The following CACNA1D variants were observed in gnomAD, a reference collection of about 807,000 sequenced individuals.
CACNA1D encodes the protein calcium voltage-gated channel subunit alpha1 D.
CACNA1D carries 55 observed loss-of-function variants against 257.1 expected under a neutral mutation model. The ratio of observed to expected loss-of-function variants is 0.21; its 90% confidence interval spans 0.17 to 0.27. The LOEUF (loss-of-function observed/expected upper bound fraction) is 0.27. Among genes scored for constraint, CACNA1D ranks in the 10% least tolerant of loss-of-function variants. The pLI, the probability that CACNA1D is intolerant of heterozygous loss-of-function variation, is 1.00. For missense variants in CACNA1D, 1,876 were observed against 2,784.0 expected (o/e 0.67, Z 7.34); for synonymous variants, 980 against 1,014.9 (o/e 0.97, Z 0.65).
chr3:53,578,786 T>C (rs973865623), intron 3 of CACNA1D, among the ~76,000 whole-genome samples: 52 of 152,224 alleles, frequency 3.4e-4, no homozygotes, highest in African/African-American at 1.1e-3. Context: ...TGCTATGGTA[T>C]TGTCTTCTTG....
At chr3:53,591,409 C>T (rs1035692308) in intron 3 of CACNA1D, among the ~76,000 whole-genome samples, 2 of 152,014 alleles carry the variant, frequency 1.3e-5, no homozygotes, top group Non-Finnish European at 2.9e-5. Context: ...TGCACCACCA[C>T]GCCCCGCTAA....
chr3:53,574,626 C>T (rs953126414), intron 3 of CACNA1D, among the ~76,000 whole-genome samples: 1 of 152,122 alleles, frequency 6.6e-6, no homozygotes, highest in Admixed American at 6.5e-5. Flanking sequence ...CCATCACAGG[C>T]CCTTCCCTTG....
intron 3 of CACNA1D, among the ~76,000 whole-genome samples, chr3:53,600,279 A>G (rs2093425083): frequency 6.6e-6 from 1 of 152,154 alleles, no homozygotes; most frequent in Non-Finnish European, 1.5e-5. Flanking sequence ...TTCCTCCTCA[A>G]TTGATACGGA....
intron 9 of CACNA1D, among the ~76,000 whole-genome samples, chr3:53,717,474 G>A (rs886696801): frequency 7.2e-5 from 11 of 152,356 alleles, no homozygotes; most frequent in Middle Eastern, 3.4e-3. Context: ...CCAGATGGTG[G>A]CCCTGGGTGG....
intron 3 of CACNA1D, among the ~76,000 whole-genome samples, chr3:53,506,056 A>G (rs1398970290): frequency 1.3e-5 from 2 of 152,198 alleles, no homozygotes. Context: ...TACCTGAAAC[A>G]CAATTTCATA....
chr3:53,647,384 G>A (rs569445040), intron 3 of CACNA1D, among the ~76,000 whole-genome samples: 2 of 152,278 alleles, frequency 1.3e-5, no homozygotes, highest in East Asian at 3.9e-4. Flanking sequence ...TTATACCAGG[G>A]ACGCCTCATT....
At position 53,774,010 on chromosome 3, in the gene CACNA1D, C is replaced by G. The variant is rs76353943; in HGVS notation, c.4111-577C>G. 6.4e-6 allele frequency: 1 copy of G among 155,688 alleles called. No homozygotes were observed. Among genetic ancestry groups the G allele is most frequent in the East Asian group, 1.9e-4 (1 of 5,316 alleles). 9.6% of individuals were successfully genotyped at this position (155,688 alleles called of 1,614,324 possible). Reference sequence around the variant, plus strand: ...TGAAGATAAAGCCCACTCTTCTGCCCGGGGCTCACAGCCCCTGCCTGTTGC... The same window carrying G: ...TGAAGATAAAGCCCACTCTTCTGCCGGGGGCTCACAGCCCCTGCCTGTTGC... On this transcript the variant is annotated intron_variant, in intron 33 of 47. Transcript: ENST00000350061. The surrounding 1 kb of genome is among the most constrained non-coding windows in gnomAD (Gnocchi z 4.3).
rs57956658 is a variant in CACNA1D, at chr3:53,672,758, CTGTGTGTGTGTGTG to C, written c.1117-217_1117-204del. On this transcript the variant is annotated intron_variant, in intron 7 of 47. Coordinates refer to ENST00000350061, the MANE Select transcript of CACNA1D (RefSeq NM_001128840.3). ...ATTCGGCCTGAAAGCCTTGATGACT[CTGTGTGTGTGTGTG>C]TGTGTGTGTGTGTGTGTGTGTGTGT... 0.082 allele frequency among the ~76,000 whole-genome samples: 7,813 copies of C among 95,110 alleles called. 346 individuals carry two copies. Among genetic ancestry groups the C allele is most frequent in the Admixed American group, 0.13 (1,170 of 9,102 alleles). The allele number at this position is 95,110 out of a possible 152,430, so 62.4% of individuals were successfully genotyped here.
At chr3:53,671,552 C>T (rs923992514) in intron 7 of CACNA1D, among the ~76,000 whole-genome samples, 12 of 152,194 alleles carry the variant, frequency 7.9e-5, no homozygotes, top group Non-Finnish European at 1.8e-4. Flanking sequence ...ATTAGTTTAT[C>T]CAACTTAATT....
intron 3 of CACNA1D, among the ~76,000 whole-genome samples, chr3:53,631,358 A>G (rs1159493690): frequency 6.6e-6 from 1 of 152,204 alleles, no homozygotes; most frequent in Non-Finnish European, 1.5e-5. Flanking sequence ...GCTCATCCAT[A>G]AGAAGCAACC....
intron 3 of CACNA1D, among the ~76,000 whole-genome samples, chr3:53,553,719 G>A (rs2092582169): frequency 6.6e-6 from 1 of 151,966 alleles, no homozygotes; most frequent in African/African-American, 2.4e-5. Context: ...GCCAGACATA[G>A]GCTCCAGATT....
At chr3:53,599,404 T>G (rs542014634) in intron 3 of CACNA1D, among the ~76,000 whole-genome samples, 1 of 152,322 alleles carries the variant, frequency 6.6e-6, no homozygotes, top group African/African-American at 2.4e-5. Context: ...TTGAAGCATA[T>G]ACAGGATTTT....
intron 3 of CACNA1D, among the ~76,000 whole-genome samples, chr3:53,622,249 C>G (rs2093704771): frequency 6.6e-6 from 1 of 152,132 alleles, no homozygotes; most frequent in South Asian, 2.1e-4. Flanking sequence ...CAGGGTTTCA[C>G]CATGTTGGCC....
intron 44 of CACNA1D, among the ~76,000 whole-genome samples, chr3:53,804,129 A>AG (rs1007689562): frequency 8.5e-5 from 13 of 152,208 alleles, no homozygotes; most frequent in African/African-American, 3.1e-4. Flanking sequence ...TAGGAGGCGT[A>AG]GCAGGCGGCA....
chr3:53,798,689 A>G lies in CACNA1D; in HGVS notation c.4924-1560A>G, dbSNP rs180827209. Among the ~76,000 whole-genome samples the G allele has an allele frequency of 2.5e-4, 38 of 152,304 alleles. No individual in the cohort carries two copies. The South Asian group carries it at 3.3e-3, about 13-fold the overall frequency. ...TCTCAAAGGCTTGGTGCTTTTGTGC[A>G]CCAGGCTATTTTTATAAGGGCCTCT... On this transcript the variant is annotated intron_variant, in intron 40 of 47. Coordinates refer to ENST00000350061, the MANE Select transcript of CACNA1D (RefSeq NM_001128840.3).
chr3:53,774,718 G>T lies in CACNA1D; in HGVS notation c.4202+40G>T. The stretch of plus-strand genomic sequence containing the variant: ...CTTGGGCGGTGCTCCTGGGCAGGGG[G>T]GTCCGCTAGGCGTGGGTCCAGAGGG... On this transcript the variant is annotated intron_variant, in intron 34 of 47. Coordinates refer to ENST00000350061, the MANE Select transcript of CACNA1D (RefSeq NM_001128840.3). This position sits in a 1 kb window ranked among gnomAD's most constrained non-coding sequence, Gnocchi z 4.3. 1 of 1,193,544 alleles carries T rather than the reference G, an allele frequency of 8.4e-7. No homozygotes were observed. The highest frequency in any genetic ancestry group is 1.3e-6 in the Non-Finnish European group (1 of 796,252). 73.9% of individuals were successfully genotyped at this position (1,193,544 alleles called of 1,614,324 possible).
intron 3 of CACNA1D, among the ~76,000 whole-genome samples, chr3:53,645,653 C>G (rs1434995126): frequency 3.9e-5 from 6 of 152,144 alleles, no homozygotes; most frequent in Admixed American, 3.3e-4. Context: ...TCTTGGCTTT[C>G]TGTTAAAGAG....
At chr3:53,558,403 T>A (rs746691693) in intron 3 of CACNA1D, among the ~76,000 whole-genome samples, 5 of 152,196 alleles carry the variant, frequency 3.3e-5, no homozygotes, top group African/African-American at 4.8e-5. Flanking sequence ...TGTGAGAAGT[T>A]TTTTGATTAC....
Position 53,688,927 on chromosome 3 carries a change from A to T in CACNA1D, c.1221-13714A>T, listed in dbSNP as rs80304464. 5.6e-3 allele frequency among the ~76,000 whole-genome samples: 846 copies of T among 152,286 alleles called. 7 individuals carry two copies. Among genetic ancestry groups the T allele is most frequent in the African/African-American group, 0.019 (800 of 41,556 alleles). Reference sequence around the variant, plus strand: ...CTGCTGAGAGGTGTACTGTCCCCAGAGGCCCACCTGTCCTTAAATCATGGA... The same window carrying T: ...CTGCTGAGAGGTGTACTGTCCCCAGTGGCCCACCTGTCCTTAAATCATGGA... On this transcript the variant is annotated intron_variant, in intron 8 of 47. Transcript: ENST00000350061.
Sources: allele counts gnomAD v4.1 joint callset (sites outside exome capture counted in the v4.1 genomes callset), GRCh38; gene constraint gnomAD v4.1.1; non-coding constraint Gnocchi (gnomAD v3.1); transcripts MANE v1.5; gene names NCBI Gene and HGNC (gene_info 2026-07-23, HGNC 2026-07-21).